CDK14: variants seen among roughly 807,000 people sequenced by gnomAD.
CDK14 encodes the protein cyclin dependent kinase 14, also known as cyclin-dependent kinase 14.
A neutral mutation model predicts 60.7 loss-of-function variants in CDK14; 34 were observed. The observed-to-expected ratio is 0.56, with a 90% CI of 0.43 to 0.75. The LOEUF is 0.75. CDK14 is among the 30% of genes least tolerant of loss of function. The pLI, the probability that CDK14 is intolerant of heterozygous loss-of-function variation, is 0.00. For missense variants in CDK14, 482 were observed against 564.1 expected, an observed-to-expected ratio of 0.85 and a Z score of 1.47; for synonymous variants, 197 against 203.7, an observed-to-expected ratio of 0.97 and a Z score of 0.28.
chr7:90,841,827 G>T (rs1790303536), intron 5 of CDK14, among the ~76,000 whole-genome samples: 1 of 152,048 alleles, frequency 6.6e-6, no homozygotes, highest in Non-Finnish European at 1.5e-5. Flanking sequence ...TTCATGGAGT[G>T]CCCACTCTGT....
chr7:91,016,260 A>G (rs1241907598), intron 10 of CDK14, among the ~76,000 whole-genome samples: 3 of 151,928 alleles, frequency 2.0e-5, no homozygotes, highest in African/African-American at 4.8e-5. Context: ...GACAAAACAT[A>G]GTACTCTAAC....
intron 3 of CDK14, among the ~76,000 whole-genome samples, chr7:90,730,858 T>C (rs1802832926): frequency 1.3e-5 from 2 of 152,226 alleles, no homozygotes; most frequent in Admixed American, 1.3e-4. Flanking sequence ...TTTCGTTTAA[T>C]TAGATCCCAT....
chr7:90,808,117 C>A (rs986154620), intron 5 of CDK14, among the ~76,000 whole-genome samples: 1 of 152,230 alleles, frequency 6.6e-6, no homozygotes, highest in South Asian at 2.1e-4. Context: ...ACAGACAACA[C>A]CACAAAGATA....
chr7:91,148,255 T>G (rs906875782), intron 14 of CDK14, among the ~76,000 whole-genome samples: 4 of 152,078 alleles, frequency 2.6e-5, no homozygotes, highest in Non-Finnish European at 5.9e-5. Flanking sequence ...TGTGGTGGCA[T>G]GTACCTGTGG....
intron 6 of CDK14, among the ~76,000 whole-genome samples, chr7:90,897,737 G>A (rs957024779): frequency 6.6e-6 from 1 of 151,868 alleles, no homozygotes; most frequent in Non-Finnish European, 1.5e-5. Context: ...CTTTTATATA[G>A]TTACTCAGGA....
intron 2 of CDK14, among the ~76,000 whole-genome samples, chr7:90,640,058 C>T (rs866363844): frequency 6.6e-6 from 1 of 152,132 alleles, no homozygotes; most frequent in Admixed American, 6.5e-5. Context: ...AACTCCCTGA[C>T]CCCTTGTGCT....
intron 10 of CDK14, among the ~76,000 whole-genome samples, chr7:90,998,712 C>A (rs915740936): frequency 9.9e-5 from 15 of 152,132 alleles, no homozygotes; most frequent in Admixed American, 6.5e-4. Flanking sequence ...CACGGTGAAA[C>A]CCCGTCTCTA....
chr7:91,104,483 T>C (rs538692213), intron 12 of CDK14, among the ~76,000 whole-genome samples: 1 of 152,348 alleles, frequency 6.6e-6, no homozygotes, highest in South Asian at 2.1e-4. Flanking sequence ...GGCTCCATCT[T>C]CTGAATTTTT....
At chr7:90,927,974 C>T (rs1793470572) in intron 8 of CDK14, among the ~76,000 whole-genome samples, 1 of 152,094 alleles carries the variant, frequency 6.6e-6, no homozygotes, top group South Asian at 2.1e-4. Flanking sequence ...AATCTTCAAT[C>T]ACTGATGCCC....
At chr7:91,104,104 C>T (rs1164953116) in intron 12 of CDK14, among the ~76,000 whole-genome samples, 2 of 151,946 alleles carry the variant, frequency 1.3e-5, no homozygotes. Context: ...GAACAACAAA[C>T]ATCTTTTTAC....
rs117861614 is a variant in CDK14 at position 91,071,782 on chromosome 7, G to A, written c.1106-7650G>A. 1.1e-3 allele frequency among the ~76,000 whole-genome samples: 162 copies of A among 152,346 alleles called. 3 individuals are homozygous for A. In the East Asian group the frequency reaches 0.026, roughly 25 times the overall value. ...CACTAAGCTCCCAGGGCGGGGTAAG[G>A]GCAGCAGCCATCTCTATAGCTCTAG... On this transcript the variant is annotated intron_variant, in intron 11 of 14. Coordinates refer to ENST00000380050, the MANE Select transcript of CDK14 (RefSeq NM_001287135.2).
At chr7:90,709,803 C>T in intron 2 of CDK14, 1 of 1,426,630 alleles carries the variant, frequency 7.0e-7, no homozygotes, top group Non-Finnish European at 9.2e-7. Context: ...GCATCCCCCT[C>T]TCTTGGTTGT....
chr7:91,069,736 A>G (rs550015801), intron 11 of CDK14, among the ~76,000 whole-genome samples: 1 of 152,332 alleles, frequency 6.6e-6, no homozygotes, highest in African/African-American at 2.4e-5. Flanking sequence ...CATCCTTTTC[A>G]GGTTAATATA....
intron 9 of CDK14, among the ~76,000 whole-genome samples, chr7:90,966,222 T>A (rs1231830142): frequency 6.6e-6 from 1 of 151,728 alleles, no homozygotes; most frequent in Non-Finnish European, 1.5e-5. Flanking sequence ...ACCTTCTATT[T>A]AAAAAAAAAT....
chr7:90,807,354 C>G (rs940726601), intron 5 of CDK14, among the ~76,000 whole-genome samples: 4 of 152,180 alleles, frequency 2.6e-5, no homozygotes, highest in African/African-American at 7.2e-5. Context: ...CCCAGGCAAA[C>G]AGGTCTGGAG....
chr7:91,094,625 G>A lies in CDK14; in HGVS notation c.1154+15145G>A, dbSNP rs1798927599. Among the ~76,000 whole-genome samples, 3 of 152,248 alleles carry A rather than the reference G, an allele frequency of 2.0e-5. No homozygotes were observed. The South Asian group carries it at 6.2e-4, about 32-fold the overall frequency. ...CTTCAGTTATTTTGTAGTCTCAAGA[G>A]CAGATCTAGGAAGTACCTGTCTCAT... is the stretch of plus-strand genomic sequence containing the variant. On this transcript the variant is annotated intron_variant, in intron 12 of 14. Coordinates refer to ENST00000380050, the MANE Select transcript of CDK14 (RefSeq NM_001287135.2).
intron 4 of CDK14, among the ~76,000 whole-genome samples, chr7:90,788,914 A>G (rs911089857): frequency 5.3e-5 from 8 of 152,142 alleles, no homozygotes; most frequent in African/African-American, 1.7e-4. Flanking sequence ...CTGAGAACAT[A>G]TAGTGTAGGT....
chr7:90,947,845 A>G (rs1392495537), intron 8 of CDK14, among the ~76,000 whole-genome samples: 5 of 152,156 alleles, frequency 3.3e-5, no homozygotes, highest in African/African-American at 9.6e-5. Flanking sequence ...GTCATTTTAA[A>G]TATGTATGTA....
rs566533233 is a variant in CDK14 at position 90,820,550 on chromosome 7, T to A, written c.544+29898T>A. 5.3e-5 allele frequency among the ~76,000 whole-genome samples: 8 copies of A among 152,342 alleles called. No homozygotes were observed. The South Asian group carries it at 1.4e-3, about 28-fold the overall frequency. On this transcript the variant is annotated intron_variant, in intron 5 of 14. Coordinates refer to ENST00000380050, the MANE Select transcript of CDK14 (RefSeq NM_001287135.2). Reference sequence around the variant, plus strand: ...AGATATGCCTTTCTTCTCCTTCACCTTCCGCCATGACTGTAAGTTTCCTGA... The same window carrying A: ...AGATATGCCTTTCTTCTCCTTCACCATCCGCCATGACTGTAAGTTTCCTGA...
Sources: gnomAD v4.1 joint callset for allele counts (sites outside exome capture counted in the v4.1 genomes callset) on GRCh38, gnomAD v4.1.1 for gene constraint, MANE v1.5 for transcripts, NCBI Gene and HGNC (gene_info 2026-07-23, HGNC 2026-07-21) for gene names.